Variants in AZIN2 observed in about 807,000 individuals in gnomAD.
AZIN2 encodes the protein ODC antizyme inhibitor-2.
In AZIN2, 28 loss-of-function variants were observed where a neutral mutation model predicts 47.8. The ratio of observed to expected loss-of-function variants is 0.59; its 90% CI spans 0.43 to 0.80. The LOEUF (loss-of-function observed/expected upper bound fraction) is 0.80, where lower values mean the gene tolerates loss of function less well. Among genes scored for constraint, AZIN2 ranks in the 30% least tolerant of loss-of-function variants. The probability of loss-of-function intolerance (pLI) is 0.00; values close to 1 mark genes in which losing one functional copy is unlikely to be tolerated. For missense variants in AZIN2, 535 were observed against 582.5 expected (o/e 0.92, Z 0.84); for synonymous variants, 221 against 239.4 (o/e 0.92, Z 0.71).
chr1:33,141,812 G>A, the AZIN2 span: 10 of 169,690 alleles, frequency 5.9e-5, 1 homozygote, highest in East Asian at 4.2e-4. Context: ...AAACCTGCAC[G>A]TCCTGCACAT....
Position 33,096,608 on chromosome 1 carries a change from A to G in AZIN2, c.754-99A>G, listed in dbSNP as rs1212827994. On this transcript the variant is annotated intron_variant, in intron 8 of 11. Transcript: ENST00000294517. ...CTGCCAAATCCTTCTTCCGGAAATC[A>G]AAGCAGCTTTCAAGAAATAGACTTG... 4 of 1,464,968 alleles carry G rather than the reference A, an allele frequency of 2.7e-6. No individual in the cohort carries two copies. The Admixed American group carries it at 7.0e-5, about 26-fold the overall frequency. 90.7% of individuals were successfully genotyped at this position (1,464,968 alleles called of 1,614,324 possible).
chr1:33,088,401 C>G (rs1372459121), intron 5 of AZIN2, among the ~76,000 whole-genome samples: 1 of 152,240 alleles, frequency 6.6e-6, no homozygotes, highest in Non-Finnish European at 1.5e-5. Flanking sequence ...TGTCATCTCC[C>G]CCAGGGCGAT....
the AZIN2 span, chr1:33,166,244 A>G: frequency 6.6e-6 from 1 of 152,280 alleles, no homozygotes; most frequent in South Asian, 2.1e-4. Flanking sequence ...TTGTGTAATT[A>G]TTCCATTATA....
chr1:33,123,370 T>A lies in AZIN2; in HGVS notation c.*3188T>A, dbSNP rs1644830410. Among the ~76,000 whole-genome samples the A allele has an allele frequency of 6.6e-6, 1 of 152,250 alleles. No homozygotes were observed. Among genetic ancestry groups the A allele is most frequent in the South Asian group, 2.1e-4 (1 of 4,836 alleles). On this transcript the variant is annotated 3_prime_UTR_variant, in exon 12 of 12. Coordinates refer to ENST00000294517, the MANE Select transcript of AZIN2 (RefSeq NM_052998.4). ...TCTAGGCTCTTGGAATAAACCTGAT[T>A]TATTTTTTCACTGCTGTGTCCTTAT...
intron 10 of AZIN2, chr1:33,101,838 G>T: frequency 1.3e-6 from 1 of 779,530 alleles, no homozygotes; most frequent in South Asian, 1.3e-5. Context: ...CACAGTCTAA[G>T]AACCACTCAC....
chr1:33,104,081 C>A (rs1219083230), intron 10 of AZIN2, among the ~76,000 whole-genome samples: 1 of 152,070 alleles, frequency 6.6e-6, no homozygotes, highest in Non-Finnish European at 1.5e-5. Context: ...CGGCATTTCA[C>A]CATGTTGGTC....
intron 10 of AZIN2, 76 bp downstream of exon 10, chr1:33,098,255 T>C: frequency 8.5e-7 from 1 of 1,180,672 alleles, no homozygotes. Context: ...TTTTATCTAA[T>C]TTTTAAAAAG....
Position 33,120,985 on chromosome 1 carries a change from T to C in AZIN2, c.*803T>C, listed in dbSNP as rs1644782186. ...AGTAAAGCAGACACCTGGTGGTCGC[T>C]TTTGCTTCTTTGGGCAGTGCCTGTT... is the stretch of plus-strand genomic sequence containing the variant. On this transcript the variant is annotated 3_prime_UTR_variant, in exon 12 of 12. Transcript: ENST00000294517. Among the ~76,000 whole-genome samples the C allele has an allele frequency of 6.6e-6, 1 of 152,178 alleles. No homozygotes were observed.
chr1:33,112,350 T>C (rs11800723), intron 10 of AZIN2, among the ~76,000 whole-genome samples: 2,879 of 152,316 alleles, frequency 0.019, 76 homozygotes, highest in East Asian at 0.08. Flanking sequence ...ACATTGGAAA[T>C]GACCTTAATG....
the AZIN2 span, among the ~76,000 whole-genome samples, chr1:33,136,327 TTTCC>T: frequency 4.5e-3 from 679 of 149,520 alleles, 16 homozygotes; most frequent in East Asian, 0.083. Context: ...TTTTTCTTTC[TTTCC>T]TTCCTTCCTT....
chr1:33,152,693 T>A, the AZIN2 span, among the ~76,000 whole-genome samples: 1 of 152,228 alleles, frequency 6.6e-6, no homozygotes, highest in African/African-American at 2.4e-5. Flanking sequence ...ACAAATAATT[T>A]AATCTGCATA....
At chr1:33,158,164 A>C in the AZIN2 span, 1 of 1,218,954 alleles carries the variant, frequency 8.2e-7, no homozygotes, top group Non-Finnish European at 1.2e-6. Context: ...CATTCACCCC[A>C]ACTGCCCCAT....
the AZIN2 span, among the ~76,000 whole-genome samples, chr1:33,152,250 T>G: frequency 6.6e-6 from 1 of 152,148 alleles, no homozygotes; most frequent in African/African-American, 2.4e-5. Context: ...TCCCAGCATG[T>G]GGCCCCAGAA....
chr1:33,129,003 G>C, the AZIN2 span, among the ~76,000 whole-genome samples: 1 of 152,184 alleles, frequency 6.6e-6, no homozygotes, highest in Admixed American at 6.5e-5. The surrounding 1 kb of genome is among the most constrained non-coding windows in gnomAD (Gnocchi z 4.1). Flanking sequence ...AAAAGCAGCA[G>C]GTCTTGGTGA....
chr1:33,103,485 C>T (rs191696904), intron 10 of AZIN2, among the ~76,000 whole-genome samples: 1 of 152,192 alleles, frequency 6.6e-6, no homozygotes, highest in African/African-American at 2.4e-5. Context: ...TCAGATGTCA[C>T]CTTGTCAGGG....
chr1:33,121,609 G>A lies in AZIN2; in HGVS notation c.*1427G>A, dbSNP rs922272266. 6.6e-6 allele frequency among the ~76,000 whole-genome samples: 1 copy of A among 152,160 alleles called. No individual in the cohort carries two copies. The highest frequency in any genetic ancestry group is 6.5e-5 in the Admixed American group (1 of 15,280). The stretch of plus-strand genomic sequence containing the variant: ...AGAAATAAATAAATAAAGTGGAGAA[G>A]TTAGTGGTTTCTGGTGTATTCAGAG... On this transcript the variant is annotated 3_prime_UTR_variant, in exon 12 of 12. Coordinates refer to ENST00000294517, the MANE Select transcript of AZIN2 (RefSeq NM_052998.4).
chr1:33,120,196 C>T lies in AZIN2; in HGVS notation c.*14C>T. 1.9e-6 allele frequency: 3 copies of T among 1,589,368 alleles called. No homozygotes were observed. Among genetic ancestry groups the T allele is most frequent in the Non-Finnish European group, 1.7e-6 (2 of 1,161,886 alleles). On this transcript the variant is annotated 3_prime_UTR_variant, in exon 12 of 12. Coordinates refer to ENST00000294517, the MANE Select transcript of AZIN2 (RefSeq NM_052998.4). ...AGCATCATGTGAGTGGGCCTCGTTC[C>T]CCCCGGAGAATCCCAGCGGGGCCTC...
At chr1:33,087,664 C>T (rs1465002138) in intron 5 of AZIN2, among the ~76,000 whole-genome samples, 1 of 151,730 alleles carries the variant, frequency 6.6e-6, no homozygotes, top group Non-Finnish European at 1.5e-5. Context: ...TCTTGAACTC[C>T]TGACCTCATG....
In AZIN2 at chr1:33,121,083, C is replaced by T. The variant is rs1435164146; in HGVS notation, c.*901C>T. ...CTGGCATCCCCTGAGACTGGCAGTG[C>T]TTATCAGGACAAAGGCTCCTTCACA... On this transcript the variant is annotated 3_prime_UTR_variant, in exon 12 of 12. Coordinates refer to ENST00000294517, the MANE Select transcript of AZIN2 (RefSeq NM_052998.4). 2.6e-5 allele frequency among the ~76,000 whole-genome samples: 4 copies of T among 152,146 alleles called. No homozygotes were observed. Among genetic ancestry groups the T allele is most frequent in the African/African-American group, 9.7e-5 (4 of 41,428 alleles).
Sources: allele counts gnomAD v4.1 joint callset (sites outside exome capture counted in the v4.1 genomes callset), GRCh38; gene constraint gnomAD v4.1.1; non-coding constraint Gnocchi (gnomAD v3.1); transcripts MANE v1.5; gene names NCBI Gene and HGNC (gene_info 2026-07-23, HGNC 2026-07-21).